Variants in CA10 observed in about 807,000 individuals in gnomAD.
CA10 encodes the protein carbonic anhydrase-related protein 10.
A neutral mutation model predicts 44.2 loss-of-function variants in CA10; 14 were observed. The observed-to-expected ratio is 0.32, with a 90% CI of 0.21 to 0.50. The LOEUF (loss-of-function observed/expected upper bound fraction) is 0.50, where lower values mean the gene tolerates loss of function less well. Among genes scored for constraint, CA10 ranks in the 20% least tolerant of loss-of-function variants. The probability of loss-of-function intolerance (pLI) is 0.99; values close to 1 mark genes in which losing one functional copy is unlikely to be tolerated. For missense variants in CA10, 350 were observed against 409.7 expected, an observed-to-expected ratio of 0.85 and a Z score of 1.26; for synonymous variants, 159 against 141.6, an observed-to-expected ratio of 1.12 and a Z score of -0.87.
chr17:52,071,827 T>C (rs1321359042), intron 2 of CA10, among the ~76,000 whole-genome samples: 1 of 152,036 alleles, frequency 6.6e-6, no homozygotes, highest in Non-Finnish European at 1.5e-5. Context: ...CATAATATAA[T>C]CCTTGCTTTA....
intron 3 of CA10, among the ~76,000 whole-genome samples, chr17:51,870,860 T>C (rs1979770656): frequency 6.6e-6 from 1 of 152,266 alleles, no homozygotes; most frequent in East Asian, 1.9e-4. Flanking sequence ...ATTATTCTTA[T>C]GCCATGACTC....
chr17:51,788,329 GT>G (rs1005778309), intron 3 of CA10, among the ~76,000 whole-genome samples: 26 of 152,280 alleles, frequency 1.7e-4, no homozygotes, highest in Non-Finnish European at 3.7e-4. Flanking sequence ...AGTATTTCAA[GT>G]TTTTTGAATG....
intron 2 of CA10, among the ~76,000 whole-genome samples, chr17:51,948,899 C>A (rs1053951462): frequency 6.6e-6 from 1 of 152,022 alleles, no homozygotes; most frequent in Non-Finnish European, 1.5e-5. Context: ...TATGATTAAT[C>A]TGCATCTATT....
At chr17:52,079,828 T>C (rs940343425) in intron 1 of CA10, among the ~76,000 whole-genome samples, 9 of 152,214 alleles carry the variant, frequency 5.9e-5, no homozygotes, top group African/African-American at 2.2e-4. Flanking sequence ...GTGTCATACC[T>C]GGAACTATTT....
intron 4 of CA10, among the ~76,000 whole-genome samples, chr17:51,676,959 C>T (rs113929323): frequency 8.5e-5 from 13 of 152,178 alleles, no homozygotes; most frequent in African/African-American, 2.9e-4. Flanking sequence ...TCTGTGGCTT[C>T]CTGACAGCCA....
chr17:52,092,974 G>A (rs1175023771), intron 1 of CA10, among the ~76,000 whole-genome samples: 2 of 152,102 alleles, frequency 1.3e-5, no homozygotes, highest in South Asian at 2.1e-4. Flanking sequence ...GCAAAACAAC[G>A]TATAGTAGGT....
At chr17:51,670,978 A>T (rs1167102381) in intron 4 of CA10, among the ~76,000 whole-genome samples, 4 of 152,188 alleles carry the variant, frequency 2.6e-5, no homozygotes, top group Non-Finnish European at 5.9e-5. Flanking sequence ...TGGGATTGTC[A>T]ATCAGACTTA....
chr17:51,748,644 T>G (rs2143608830), intron 3 of CA10: 1 of 194,082 alleles, frequency 5.2e-6, no homozygotes, highest in East Asian at 1.9e-4. Flanking sequence ...GATCTAGAGC[T>G]TAGGGAGACT....
At chr17:51,979,805 C>A (rs2144085026) in intron 2 of CA10, among the ~76,000 whole-genome samples, 1 of 152,204 alleles carries the variant, frequency 6.6e-6, no homozygotes, top group Non-Finnish European at 1.5e-5. Context: ...GGGATTAGTA[C>A]CCAGAGATGA....
intron 6 of CA10, among the ~76,000 whole-genome samples, chr17:51,642,857 C>T (rs1420614858): frequency 6.6e-6 from 1 of 152,018 alleles, no homozygotes; most frequent in Non-Finnish European, 1.5e-5. Context: ...TGGCCAGGCT[C>T]GTCTTGAACT....
At chr17:52,093,745 T>C (rs113260524) in intron 1 of CA10, among the ~76,000 whole-genome samples, 3 of 152,158 alleles carry the variant, frequency 2.0e-5, no homozygotes, top group African/African-American at 7.2e-5. Flanking sequence ...TTTTATGCAG[T>C]AGAATGGAAA....
chr17:52,159,565 C>T (rs1227443738), upstream of CA10: 1 of 152,420 alleles, frequency 6.6e-6, no homozygotes, highest in Non-Finnish European at 1.5e-5. Flanking sequence ...GCCAACGACA[C>T]TCAGCAGCTT....
intron 2 of CA10, among the ~76,000 whole-genome samples, chr17:52,005,888 C>T (rs1985580292): frequency 6.6e-6 from 1 of 151,670 alleles, no homozygotes; most frequent in Non-Finnish European, 1.5e-5. Context: ...AAGAGTGACA[C>T]TTGAAGAGGT....
intron 4 of CA10, among the ~76,000 whole-genome samples, chr17:51,735,919 G>A (rs903912189): frequency 5.3e-5 from 8 of 152,108 alleles, no homozygotes; most frequent in Non-Finnish European, 1.2e-4. Flanking sequence ...GTGATTGCCG[G>A]GGCTAGGGTA....
intron 1 of CA10, among the ~76,000 whole-genome samples, chr17:52,116,350 A>G (rs549778714): frequency 9.9e-5 from 15 of 152,228 alleles, no homozygotes; most frequent in African/African-American, 3.6e-4. Flanking sequence ...TTGCCTTAAC[A>G]TTCAGCTTAT....
At chr17:51,813,505 G>A (rs1339038373) in intron 3 of CA10, among the ~76,000 whole-genome samples, 1 of 152,182 alleles carries the variant, frequency 6.6e-6, no homozygotes, top group Non-Finnish European at 1.5e-5. Flanking sequence ...ATCAGGACCT[G>A]TTCAGAACTC....
chr17:51,831,574 A>T (rs1490111241), intron 3 of CA10, among the ~76,000 whole-genome samples: 4 of 152,158 alleles, frequency 2.6e-5, no homozygotes. Flanking sequence ...GGCTCCAAGT[A>T]GCACATCTTT....
intron 1 of CA10, among the ~76,000 whole-genome samples, chr17:52,114,936 C>T (rs553362287): frequency 6.0e-4 from 91 of 152,304 alleles, no homozygotes; most frequent in African/African-American, 2.1e-3. Flanking sequence ...CCCCCTAATG[C>T]TATGCTCTGC....
At chr17:51,853,131 T>C (rs1053323272) in intron 3 of CA10, among the ~76,000 whole-genome samples, 6 of 152,294 alleles carry the variant, frequency 3.9e-5, no homozygotes, top group African/African-American at 1.4e-4. Flanking sequence ...AATATATTAT[T>C]ATATATTTGC....
Sources: gnomAD v4.1 joint callset for allele counts (sites outside exome capture counted in the v4.1 genomes callset) on GRCh38, gnomAD v4.1.1 for gene constraint, MANE v1.5 for transcripts, NCBI Gene and HGNC (gene_info 2026-07-23, HGNC 2026-07-21) for gene names.